The following DMD variants were observed in gnomAD, a reference collection of about 807,000 sequenced individuals.
DMD encodes the protein dystrophin, also known as mutant dystrophin.
A neutral mutation model predicts 330.1 loss-of-function variants in DMD; 63 were observed. That is an observed-to-expected ratio of 0.19 (90% confidence interval 0.16 to 0.24). The LOEUF is 0.24. DMD is among the 10% of genes least tolerant of loss of function. The probability of loss-of-function intolerance (pLI) is 1.00; values close to 1 mark genes in which losing one functional copy is unlikely to be tolerated. For synonymous variants in DMD, 1,223 were observed against 959.8 expected (o/e 1.27, Z -5.07); for missense variants, 3,344 against 2,684.1 (o/e 1.25, Z -5.43).
At chrX:33,020,252 TC>T in intron 1 of DMD, 52 bp from the exon 2 acceptor site, 1 of 898,730 alleles carries the variant, frequency 1.1e-6, no homozygotes, top group Non-Finnish European at 1.6e-6. Flanking sequence ...TAAATATAAT[TC>T]ATATTTTACA....
intron 9 of DMD, among the ~76,000 whole-genome samples, chrX:32,659,381 G>A (rs1293873644): frequency 9.0e-6 from 1 of 111,529 alleles, no homozygotes; most frequent in Non-Finnish European, 1.9e-5. Context: ...CCCTATGGGG[G>A]AACTAATGGG....
chrX:32,979,738 C>T (rs6628755), intron 2 of DMD, among the ~76,000 whole-genome samples: 42,559 of 110,131 alleles, frequency 0.39, 6,269 homozygotes, highest in African/African-American at 0.52. Context: ...TACAGGATAC[C>T]TGGAAGATAT....
At chrX:31,712,758 T>C (rs758746968) in intron 52 of DMD, among the ~76,000 whole-genome samples, 3 of 111,600 alleles carry the variant, frequency 2.7e-5, no homozygotes, top group Non-Finnish European at 3.8e-5. Flanking sequence ...TGCCTTTGGT[T>C]CTCCCTTTAA....
At chrX:31,620,120 C>T (rs1438823922) in intron 55 of DMD, among the ~76,000 whole-genome samples, 1 of 111,559 alleles carries the variant, frequency 9.0e-6, no homozygotes, top group Non-Finnish European at 1.9e-5. Context: ...CTAAATATAG[C>T]AAGAAGACAA....
At chrX:32,758,258 A>G (rs931626804) in intron 7 of DMD, among the ~76,000 whole-genome samples, 2 of 111,686 alleles carry the variant, frequency 1.8e-5, no homozygotes, top group African/African-American at 6.5e-5. Flanking sequence ...ACTTAAACTG[A>G]ACTCTTAGAG....
In DMD at chrX:32,061,629, A is replaced by T. The variant is rs2147678488; in HGVS notation, c.6439-93115T>A. On this transcript the variant is annotated intron_variant, in intron 44 of 78. Transcript: ENST00000357033. Reference sequence around the variant, plus strand: ...TCAGCATTGGAATTGAGAATTGTCCACACCACTGCTTATAACCTTGGAATT... The same window carrying T: ...TCAGCATTGGAATTGAGAATTGTCCTCACCACTGCTTATAACCTTGGAATT... Among the ~76,000 whole-genome samples the T allele has an allele frequency of 2.7e-5, 3 of 111,375 alleles. No homozygotes were observed. The South Asian group carries it at 1.1e-3, about 41-fold the overall frequency.
chrX:32,880,310 T>C (rs745681504), intron 2 of DMD, among the ~76,000 whole-genome samples: 27 of 109,792 alleles, frequency 2.5e-4, no homozygotes, highest in Non-Finnish European at 2.7e-4. Flanking sequence ...TTTTTCAGCT[T>C]AGTCTTCTTA....
chrX:32,375,418 T>C (rs1231671592), intron 34 of DMD, among the ~76,000 whole-genome samples: 1 of 112,080 alleles, frequency 8.9e-6, no homozygotes, highest in Non-Finnish European at 1.9e-5. Flanking sequence ...ACTCACGAAG[T>C]GGGTGTTCCT....
chrX:32,854,744 T>C (rs2081403497), intron 2 of DMD, among the ~76,000 whole-genome samples: 1 of 111,301 alleles, frequency 9.0e-6, no homozygotes, highest in Admixed American at 9.5e-5. Context: ...CCTGATGGCT[T>C]CACTGCTGAA....
chrX:31,992,666 G>A (rs1396583166), intron 44 of DMD, among the ~76,000 whole-genome samples: 1 of 110,555 alleles, frequency 9.0e-6, no homozygotes, highest in African/African-American at 3.3e-5. Flanking sequence ...ATTTATTTCT[G>A]TAATTTTGCA....
chrX:32,210,195 C>T (rs897675941), intron 44 of DMD, among the ~76,000 whole-genome samples: 2 of 112,147 alleles, frequency 1.8e-5, no homozygotes, highest in Non-Finnish European at 3.8e-5. Context: ...ATTGCTGTAA[C>T]CTTAAAGTAA....
In DMD at chrX:32,284,900, A is replaced by G. The variant is rs1275683561; in HGVS notation, c.6290+2629T>C. On this transcript the variant is annotated intron_variant, in intron 43 of 78. Coordinates refer to ENST00000357033, the MANE Select transcript of DMD (RefSeq NM_004006.3). ...AGGACAGGGTGGATCTATTGGGGCT[A>G]GAGAAACTCTATCCTTTGTCAAAAC... 2.7e-5 allele frequency among the ~76,000 whole-genome samples: 3 copies of G among 111,992 alleles called. No homozygotes were observed. The Admixed American group carries it at 2.9e-4, about 11-fold the overall frequency.
chrX:32,839,973 T>C (rs5928088), intron 4 of DMD, among the ~76,000 whole-genome samples: 41,461 of 110,891 alleles, frequency 0.37, 5,609 homozygotes, highest in South Asian at 0.47. Context: ...CCACCCAAAG[T>C]GCTGGTATTA....
intron 59 of DMD, among the ~76,000 whole-genome samples, chrX:31,461,580 T>C (rs755122952): frequency 4.4e-4 from 49 of 111,988 alleles, no homozygotes; most frequent in African/African-American, 1.5e-3. Context: ...TTCTTACTAA[T>C]AGTGATCACT....
At chrX:32,327,055 C>T (rs947454260) in intron 41 of DMD, among the ~76,000 whole-genome samples, 14 of 110,021 alleles carry the variant, frequency 1.3e-4, no homozygotes, top group African/African-American at 4.6e-4. Flanking sequence ...ATCTGTGTTG[C>T]CCTGTGCTAA....
At chrX:32,793,552 A>C (rs1271964141) in intron 7 of DMD, among the ~76,000 whole-genome samples, 2 of 111,167 alleles carry the variant, frequency 1.8e-5, no homozygotes, top group Non-Finnish European at 3.8e-5. Flanking sequence ...AGAAAAAAAA[A>C]AGACTCAAAA....
intron 6 of DMD, among the ~76,000 whole-genome samples, chrX:32,815,520 TAC>T (rs1557051739): frequency 1.9e-4 from 15 of 78,954 alleles, no homozygotes; most frequent in South Asian, 5.5e-4. Context: ...TATATATATA[TAC>T]ACACACACAC....
At chrX:32,684,043 A>G (rs1008969516) in intron 9 of DMD, among the ~76,000 whole-genome samples, 5 of 104,803 alleles carry the variant, frequency 4.8e-5, no homozygotes, top group African/African-American at 1.9e-4. Context: ...ACACACACAC[A>G]CACACACACA....
intron 54 of DMD, among the ~76,000 whole-genome samples, chrX:31,638,086 T>A (rs765314232): frequency 8.9e-6 from 1 of 112,066 alleles, no homozygotes. Context: ...TTTTTCTGAA[T>A]TTTCAAAATG....
Sources: gnomAD v4.1 joint callset for allele counts (sites outside exome capture counted in the v4.1 genomes callset) on GRCh38, gnomAD v4.1.1 for gene constraint, MANE v1.5 for transcripts, NCBI Gene and HGNC (gene_info 2026-07-23, HGNC 2026-07-21) for gene names.